The following EFCAB6 variants were observed in gnomAD, a reference collection of about 807,000 sequenced individuals.
EFCAB6 encodes EF-hand calcium-binding domain-containing protein 6.
A neutral mutation model predicts 169.8 loss-of-function variants in EFCAB6; 156 were observed. The observed-to-expected ratio is 0.92, with a 90% CI of 0.81 to 1.05. EFCAB6 has a LOEUF of 1.05. EFCAB6 is among the 50% of genes least tolerant of loss of function. The pLI is 0.00. For synonymous variants in EFCAB6, 698 were observed against 676.4 expected, an observed-to-expected ratio of 1.03 and a Z score of -0.50; for missense variants, 1,800 against 1,829.1, an observed-to-expected ratio of 0.98 and a Z score of 0.29.
chr22:43,726,873 AAAAC>A (rs2059756490), intron 8 of EFCAB6, among the ~76,000 whole-genome samples: 1 of 152,232 alleles, frequency 6.6e-6, no homozygotes, highest in Non-Finnish European at 1.5e-5. Context: ...ACTGGCTGCT[AAAAC>A]AAACAAAATA....
intron 22 of EFCAB6, among the ~76,000 whole-genome samples, chr22:43,606,069 C>A (rs1170082710): frequency 1.3e-5 from 2 of 152,208 alleles, no homozygotes; most frequent in Non-Finnish European, 2.9e-5. Context: ...AAAAGGGATT[C>A]ACTGAAGGGA....
chr22:43,602,845 T>C (rs1317163355), intron 22 of EFCAB6, among the ~76,000 whole-genome samples: 1 of 152,058 alleles, frequency 6.6e-6, no homozygotes, highest in African/African-American at 2.4e-5. Context: ...CATTTGCGGA[T>C]ACATGAGGAG....
At chr22:43,576,642 T>C (rs2050275386) in intron 25 of EFCAB6, among the ~76,000 whole-genome samples, 154 bp from the exon 26 acceptor site, 1 of 152,212 alleles carries the variant, frequency 6.6e-6, no homozygotes, top group South Asian at 2.1e-4. Flanking sequence ...TGCACCATTA[T>C]TGAAGGACTG....
At chr22:43,773,599 G>A (rs962299931) in intron 3 of EFCAB6, among the ~76,000 whole-genome samples, 7 of 152,230 alleles carry the variant, frequency 4.6e-5, no homozygotes, top group Non-Finnish European at 7.3e-5. Flanking sequence ...TGTAATCCCA[G>A]CACTTTGGGA....
chr22:43,701,086 G>GT (rs1308349824), intron 10 of EFCAB6, among the ~76,000 whole-genome samples: 2 of 152,216 alleles, frequency 1.3e-5, no homozygotes, highest in East Asian at 1.9e-4. Flanking sequence ...ATGAATGAAT[G>GT]TTTTTTGTGA....
chr22:43,753,796 A>G (rs1331613082), intron 6 of EFCAB6, among the ~76,000 whole-genome samples: 1 of 152,216 alleles, frequency 6.6e-6, no homozygotes, highest in Non-Finnish European at 1.5e-5. Context: ...GGCTGGTCCA[A>G]ACATGCATGA....
In EFCAB6 at chr22:43,716,927, C is replaced by T. The variant is rs147122126; in HGVS notation, c.803G>A (p.Arg268His). 55 of 1,577,468 alleles carry T rather than the reference C, an allele frequency of 3.5e-5. No individual in the cohort carries two copies. In the African/African-American group the frequency reaches 6.1e-4, roughly 18 times the overall value. The change falls in exon 9 of 32, where the codon CGT becomes CAT. Residue 268 changes from arginine to histidine, a missense_variant. Transcript: ENST00000262726. ...TTCAGATGATGCAGAACCTAGCAAA[C>T]GTTCCTTTTTGGAATTTTTGGCTTG... Reference protein sequence around the residue: ...NQQAKNSKKERLLGSASSEDI... With the variant: ...NQQAKNSKKEHLLGSASSEDI...
chr22:43,587,544 C>T (rs1338322153), intron 24 of EFCAB6, among the ~76,000 whole-genome samples: 1 of 152,156 alleles, frequency 6.6e-6, no homozygotes, highest in Non-Finnish European at 1.5e-5. Flanking sequence ...CTTGTGGCCA[C>T]ATCACTCTAC....
intron 3 of EFCAB6, among the ~76,000 whole-genome samples, chr22:43,776,452 G>C (rs1315132389): frequency 6.6e-6 from 1 of 152,222 alleles, no homozygotes; most frequent in Non-Finnish European, 1.5e-5. Context: ...ATGGCGCACA[G>C]TGACACGTGC....
chr22:43,779,709 C>T (rs542507479), intron 3 of EFCAB6, among the ~76,000 whole-genome samples: 1 of 152,058 alleles, frequency 6.6e-6, no homozygotes, highest in Non-Finnish European at 1.5e-5. Context: ...CACTGCACTC[C>T]AGCCTGGGCA....
At chr22:43,723,767 C>G (rs2059622403) in intron 8 of EFCAB6, among the ~76,000 whole-genome samples, 1 of 152,184 alleles carries the variant, frequency 6.6e-6, no homozygotes, top group South Asian at 2.1e-4. Context: ...TGTGCTGCCA[C>G]CAAGCTTTAC....
intron 25 of EFCAB6, among the ~76,000 whole-genome samples, chr22:43,577,420 A>G (rs73887347): frequency 0.032 from 4,807 of 152,300 alleles, 236 homozygotes; most frequent in African/African-American, 0.11. Context: ...ACCTTAAAAC[A>G]TCAGATAGCT....
intron 2 of EFCAB6, among the ~76,000 whole-genome samples, chr22:43,791,297 C>T (rs1225990013): frequency 1.3e-5 from 2 of 151,378 alleles, no homozygotes; most frequent in African/African-American, 2.4e-5. Context: ...CGCTTAAACC[C>T]GGCAGGTGGA....
At chr22:43,742,270 T>C (rs141295758) in intron 6 of EFCAB6, among the ~76,000 whole-genome samples, 1 of 152,362 alleles carries the variant, frequency 6.6e-6, no homozygotes. Flanking sequence ...GAATTTCAAA[T>C]TTCAGTATCC....
chr22:43,576,222 A>G, intron 26 of EFCAB6, 75 bp downstream of exon 26: 1 of 1,314,638 alleles, frequency 7.6e-7, no homozygotes. Context: ...TATGGTTCTA[A>G]TCAATTATCC....
intron 6 of EFCAB6, among the ~76,000 whole-genome samples, chr22:43,747,627 T>C (rs2060613318): frequency 6.6e-6 from 1 of 152,172 alleles, no homozygotes; most frequent in African/African-American, 2.4e-5. Flanking sequence ...CGTAGACATC[T>C]TTCTTCCTGG....
chr22:43,549,132 G>A (rs566287221), intron 27 of EFCAB6, among the ~76,000 whole-genome samples: 1 of 152,206 alleles, frequency 6.6e-6, no homozygotes, highest in Non-Finnish European at 1.5e-5. Context: ...TAATTAGAAG[G>A]AAATATATAC....
intron 28 of EFCAB6, among the ~76,000 whole-genome samples, chr22:43,538,649 A>C (rs1052205750): frequency 6.6e-6 from 1 of 152,134 alleles, no homozygotes; most frequent in Non-Finnish European, 1.5e-5. Flanking sequence ...GGCTTCCCAA[A>C]GTGCTGGGAG....
chr22:43,550,115 C>G (rs2147145180), intron 27 of EFCAB6, among the ~76,000 whole-genome samples: 1 of 152,260 alleles, frequency 6.6e-6, no homozygotes, highest in East Asian at 1.9e-4. Flanking sequence ...CCGGCAGAAG[C>G]AGCAGCAAGC....
Sources: allele counts gnomAD v4.1 joint callset (sites outside exome capture counted in the v4.1 genomes callset), GRCh38; gene constraint gnomAD v4.1.1; transcripts MANE v1.5; gene names NCBI Gene and HGNC (gene_info 2026-07-23, HGNC 2026-07-21).